Variants in CACNA1C observed in about 807,000 individuals in gnomAD.
The protein encoded by CACNA1C is calcium voltage-gated channel subunit alpha1 C.
CACNA1C carries 30 observed loss-of-function variants against 229.0 expected under a neutral mutation model. The ratio of observed to expected loss-of-function variants is 0.13; its 90% CI spans 0.10 to 0.18. The LOEUF is 0.18. Among genes scored for constraint, CACNA1C ranks in the 10% least tolerant of loss-of-function variants. The pLI, the probability that CACNA1C is intolerant of heterozygous loss-of-function variation, is 1.00. For missense variants in CACNA1C, 1,658 were observed against 2,845.0 expected, an observed-to-expected ratio of 0.58 and a Z score of 9.49; for synonymous variants, 1,114 against 1,132.5, an observed-to-expected ratio of 0.98 and a Z score of 0.33.
At chr12:2,567,547 A>T (rs368689831) in intron 12 of CACNA1C, 22 bp from the exon 13 acceptor site, 3 of 1,512,244 alleles carry the variant, frequency 2.0e-6, no homozygotes, top group Non-Finnish European at 2.7e-6. Context: ...CTCGGATCTC[A>T]TCCCTCTCCT....
At position 2,691,329 on chromosome 12, in the gene CACNA1C, C is replaced by A; in HGVS notation, c.*130C>A. Reference sequence around the variant, plus strand: ...GCGTCTTCATTCATTTCTGTTGGGACCAGACGCGGAGCCTGGGTGCGCGAG... The same window carrying A: ...GCGTCTTCATTCATTTCTGTTGGGAACAGACGCGGAGCCTGGGTGCGCGAG... On this transcript the variant is annotated 3_prime_UTR_variant, in exon 47 of 47. Coordinates refer to ENST00000399655, the MANE Select transcript of CACNA1C (RefSeq NM_000719.7). 1.0e-6 allele frequency: 1 copy of A among 1,001,946 alleles called. No homozygotes were observed. The highest frequency in any genetic ancestry group is 1.3e-6 in the Non-Finnish European group (1 of 751,142). 62.1% of individuals were successfully genotyped at this position (1,001,946 alleles called of 1,614,324 possible). A position where few individuals can be genotyped will look rare whatever the true frequency, so the allele number is the denominator to read the frequency against.
intron 3 of CACNA1C, among the ~76,000 whole-genome samples, chr12:2,404,156 C>T (rs73037269): frequency 0.062 from 9,504 of 152,210 alleles, 317 homozygotes; most frequent in African/African-American, 0.093. Context: ...TAGTCCACTC[C>T]GGGGCCTGTA....
intron 9 of CACNA1C, among the ~76,000 whole-genome samples, chr12:2,545,065 CTT>C (rs2099878591): frequency 6.6e-6 from 1 of 152,166 alleles, no homozygotes; most frequent in Admixed American, 6.5e-5. Context: ...TTGGGAAGTG[CTT>C]TGGAGCTTCT....
upstream of CACNA1C, among the ~76,000 whole-genome samples, chr12:2,052,094 G>C (rs1349636322): frequency 6.6e-6 from 1 of 152,218 alleles, no homozygotes; most frequent in Admixed American, 6.5e-5. Context: ...TGGTTGCAGG[G>C]AGTGATGGAG....
intron 3 of CACNA1C, among the ~76,000 whole-genome samples, chr12:2,396,305 T>A (rs2098573320): frequency 6.6e-6 from 1 of 152,144 alleles, no homozygotes; most frequent in Non-Finnish European, 1.5e-5. Context: ...ATGGAAATAT[T>A]TTTGCAGCCT....
At chr12:2,510,311 T>C (rs2239097) in intron 8 of CACNA1C, among the ~76,000 whole-genome samples, 71,216 of 151,994 alleles carry the variant, frequency 0.47, 19,525 homozygotes, top group African/African-American at 0.76. Context: ...TCCTTTACCG[T>C]GGGAAACCTT....
intron 3 of CACNA1C, among the ~76,000 whole-genome samples, chr12:2,286,894 C>T (rs539747462): frequency 7.4e-4 from 113 of 152,360 alleles, no homozygotes; most frequent in Non-Finnish European, 8.7e-4. Flanking sequence ...GGTAGTGGCC[C>T]TCCCTTACTC....
chr12:2,264,065 C>T (rs1045213439), intron 3 of CACNA1C, among the ~76,000 whole-genome samples: 5 of 152,204 alleles, frequency 3.3e-5, no homozygotes, highest in African/African-American at 1.2e-4. Flanking sequence ...TCCACCCCTC[C>T]ACCCCGGTGG....
intron 3 of CACNA1C, among the ~76,000 whole-genome samples, chr12:2,396,327 C>T (rs2098574807): frequency 6.6e-6 from 1 of 152,154 alleles, no homozygotes; most frequent in Non-Finnish European, 1.5e-5. Context: ...ATTGTCTCTG[C>T]ATGCAACACT....
chr12:2,323,072 A>T (rs906524675), intron 3 of CACNA1C, among the ~76,000 whole-genome samples: 1 of 151,784 alleles, frequency 6.6e-6, no homozygotes, highest in African/African-American at 2.4e-5. Flanking sequence ...CTCAAGCCCT[A>T]TGCTCTTTCC....
chr12:2,104,989 C>G (rs769957925), intron 1 of CACNA1C, among the ~76,000 whole-genome samples: 1 of 152,160 alleles, frequency 6.6e-6, no homozygotes, highest in Non-Finnish European at 1.5e-5. Flanking sequence ...TGAGAGCCCT[C>G]GAGTGCCAAG....
intron 9 of CACNA1C, among the ~76,000 whole-genome samples, chr12:2,514,353 A>C (rs1339505939): frequency 6.6e-6 from 1 of 152,238 alleles, no homozygotes; most frequent in Non-Finnish European, 1.5e-5. Context: ...TACAAAATTA[A>C]AGCACACAAA....
At chr12:2,454,246 G>GGA (rs2099402497) in intron 4 of CACNA1C, among the ~76,000 whole-genome samples, 1 of 152,176 alleles carries the variant, frequency 6.6e-6, no homozygotes. Flanking sequence ...GTAGCTTCTT[G>GGA]GTTCTTGGAT....
intron 3 of CACNA1C, among the ~76,000 whole-genome samples, chr12:2,241,912 C>T (rs1341059951): frequency 6.6e-6 from 1 of 152,162 alleles, no homozygotes; most frequent in African/African-American, 2.4e-5. Flanking sequence ...GGTTCTTGCC[C>T]ATCAGAATTT....
intron 3 of CACNA1C, among the ~76,000 whole-genome samples, chr12:2,421,770 G>A (rs1170959371): frequency 6.6e-6 from 1 of 152,156 alleles, no homozygotes; most frequent in Non-Finnish European, 1.5e-5. Flanking sequence ...AATTAGCTGG[G>A]TGTGGTGGTG....
chr12:2,602,093 T>C lies in CACNA1C; in HGVS notation c.2960+133T>C. On this transcript the variant is annotated intron_variant, in intron 22 of 46. Coordinates refer to ENST00000399655, the MANE Select transcript of CACNA1C (RefSeq NM_000719.7). This position sits in a 1 kb window ranked among gnomAD's most constrained non-coding sequence, Gnocchi z 4.4. ...GAGAGTGGGGTGGGGCCTCCAAAGC[T>C]GTGCATGGTGGCTTTGGGTTCTTGG... 1 of 649,230 alleles carries C rather than the reference T, an allele frequency of 1.5e-6. No individual in the cohort carries two copies. Among genetic ancestry groups the C allele is most frequent in the South Asian group, 1.8e-5 (1 of 55,970 alleles). The allele number at this position is 649,230 out of a possible 1,614,324, so 40.2% of individuals were successfully genotyped here.
intron 3 of CACNA1C, among the ~76,000 whole-genome samples, chr12:2,441,854 G>A (rs937972988): frequency 1.3e-5 from 2 of 152,126 alleles, no homozygotes; most frequent in Admixed American, 1.3e-4. Context: ...AGGACCCTTC[G>A]ACACTCAGCA....
chr12:2,562,100 C>T (rs1029293755), intron 11 of CACNA1C, among the ~76,000 whole-genome samples: 2 of 139,852 alleles, frequency 1.4e-5, no homozygotes, highest in African/African-American at 5.3e-5. Context: ...ATCCATGTGA[C>T]TCTCCCAAAT....
At chr12:2,407,775 G>A (rs1314291017) in intron 3 of CACNA1C, among the ~76,000 whole-genome samples, 2 of 152,242 alleles carry the variant, frequency 1.3e-5, no homozygotes, top group Non-Finnish European at 2.9e-5. Context: ...CAGTGGTATT[G>A]ATTTGCATTT....
Sources: gnomAD v4.1 joint callset for allele counts (sites outside exome capture counted in the v4.1 genomes callset) on GRCh38, gnomAD v4.1.1 for gene constraint, Gnocchi (gnomAD v3.1) non-coding constraint, MANE v1.5 for transcripts, NCBI Gene and HGNC (gene_info 2026-07-23, HGNC 2026-07-21) for gene names.